UVRAG: variants seen among roughly 807,000 people sequenced by gnomAD.
UVRAG encodes UV radiation resistance-associated gene protein.
Under a neutral mutation model 78.0 loss-of-function variants are expected in UVRAG, and 19 were observed. That is an observed-to-expected ratio of 0.24 (90% CI 0.17 to 0.36). UVRAG has a LOEUF of 0.36. Among genes scored for constraint, UVRAG ranks in the 10% least tolerant of loss-of-function variants. UVRAG has a pLI of 1.00. For missense variants in UVRAG, 740 were observed against 853.8 expected (o/e 0.87, Z 1.66); for synonymous variants, 323 against 324.6 (o/e 1.00, Z 0.05).
At chr11:75,877,602 C>CGG in intron 3 of UVRAG, among the ~76,000 whole-genome samples, 1 of 134,796 alleles carries the variant, frequency 7.4e-6, no homozygotes, top group East Asian at 2.4e-4. Context: ...GCTGGCCGGG[C>CGG]GGGGGGCTGA....
At chr11:75,827,013 T>C (rs189174280) in intron 1 of UVRAG, among the ~76,000 whole-genome samples, 8 of 152,324 alleles carry the variant, frequency 5.3e-5, no homozygotes, top group Admixed American at 1.3e-4. Flanking sequence ...CTGTGGTTTT[T>C]ATAATGTCCA....
intron 2 of UVRAG, among the ~76,000 whole-genome samples, chr11:75,859,327 G>C (rs1403344541): frequency 6.6e-6 from 1 of 150,546 alleles, no homozygotes; most frequent in Non-Finnish European, 1.5e-5. Flanking sequence ...GGTGAGCCGA[G>C]ATCACGCCAC....
chr11:75,881,642 C>T (rs1358256169), intron 4 of UVRAG, among the ~76,000 whole-genome samples: 7 of 152,152 alleles, frequency 4.6e-5, no homozygotes, highest in African/African-American at 1.4e-4. Flanking sequence ...GTTGTGAACC[C>T]CTAGGCTCAA....
At chr11:75,982,554 T>A (rs1949414204) in intron 7 of UVRAG, among the ~76,000 whole-genome samples, 1 of 152,114 alleles carries the variant, frequency 6.6e-6, no homozygotes, top group African/African-American at 2.4e-5. Context: ...AAGTCCAGGA[T>A]CCCCATGTGG....
chr11:75,976,968 C>T (rs1320275041), intron 7 of UVRAG, among the ~76,000 whole-genome samples: 2 of 152,130 alleles, frequency 1.3e-5, no homozygotes, highest in Non-Finnish European at 2.9e-5. Flanking sequence ...GTTAGGGTGT[C>T]AATTTTAGAT....
At chr11:76,040,448 G>A (rs1950624325) in intron 12 of UVRAG, among the ~76,000 whole-genome samples, 1 of 151,086 alleles carries the variant, frequency 6.6e-6, no homozygotes, top group Non-Finnish European at 1.5e-5. Flanking sequence ...ACTCAGCCTG[G>A]GCGACAGTGT....
At position 75,851,981 on chromosome 11, in the gene UVRAG, T is replaced by C; in HGVS notation, c.216T>C (p.Ser72=). Residue 72 remains serine, a synonymous_variant, in exon 2 of 15, where the codon AGT becomes AGC. Coordinates refer to ENST00000356136, the MANE Select transcript of UVRAG (RefSeq NM_003369.4). ...CCTACTTTACACTTCACTTGTGTAGTACTGAAAAGATATATAAAGGTAAGG... is the reference window on the plus strand; with the variant it reads ...CCTACTTTACACTTCACTTGTGTAGCACTGAAAAGATATATAAAGGTAAGG... ...LDTYFTLHLC[S]TEKIYKEFYR... 6 of 1,605,452 alleles carry C rather than the reference T, an allele frequency of 3.7e-6. No individual in the cohort carries two copies. The highest frequency in any genetic ancestry group is 5.1e-6 in the Non-Finnish European group (6 of 1,174,382).
At chr11:76,079,938 GA>G (rs1271086562) in intron 13 of UVRAG, among the ~76,000 whole-genome samples, 1 of 152,116 alleles carries the variant, frequency 6.6e-6, no homozygotes, top group African/African-American at 2.4e-5. Flanking sequence ...AATTAATAAA[GA>G]AAAGAGATTT....
chr11:75,861,645 G>T, intron 2 of UVRAG, 101 bp from the exon 3 acceptor site: 8 of 718,964 alleles, frequency 1.1e-5, no homozygotes, highest in South Asian at 1.9e-5. Flanking sequence ...TATTTTAAAT[G>T]TTTTACTGCA....
Position 76,051,716 on chromosome 11 carries a change from A to G in UVRAG, c.1227-13994A>G, listed in dbSNP as rs368827482. ...GTTCTGGTGTAAATCTTCTCATTAC[A>G]TGATTTCTCCTTTAAAAACTTTGGG... On this transcript the variant is annotated intron_variant, in intron 12 of 14. Transcript: ENST00000356136. Among the ~76,000 whole-genome samples the G allele has an allele frequency of 2.6e-4, 40 of 152,322 alleles. No homozygotes were observed. In the East Asian group the frequency reaches 3.7e-3, roughly 14 times the overall value.
At chr11:75,920,692 G>T (rs932763161) in intron 6 of UVRAG, among the ~76,000 whole-genome samples, 1 of 151,844 alleles carries the variant, frequency 6.6e-6, no homozygotes, top group East Asian at 1.9e-4. Context: ...GTATCCATCT[G>T]TATTTTTTCC....
intron 13 of UVRAG, among the ~76,000 whole-genome samples, chr11:76,105,661 G>C (rs900338038): frequency 2.0e-5 from 3 of 151,852 alleles, no homozygotes; most frequent in Admixed American, 6.6e-5. Flanking sequence ...GAGATGGGAG[G>C]ATCACCTGAG....
At chr11:75,845,009 A>G (rs930548873) in intron 1 of UVRAG, among the ~76,000 whole-genome samples, 1 of 152,216 alleles carries the variant, frequency 6.6e-6, no homozygotes, top group East Asian at 1.9e-4. Flanking sequence ...GTCTTGCGTT[A>G]GAATTTGTAT....
rs141856043 is a variant in UVRAG, at chr11:76,010,790, G to A, written c.1060+1923G>A. Among the ~76,000 whole-genome samples the A allele has an allele frequency of 5.7e-3, 864 of 152,284 alleles. 9 individuals carry two copies. The highest frequency in any genetic ancestry group is 0.019 in the African/African-American group (803 of 41,550). On this transcript the variant is annotated intron_variant, in intron 11 of 14. Coordinates refer to ENST00000356136, the MANE Select transcript of UVRAG (RefSeq NM_003369.4). ...GCAGGAAGGACAGTAAAGACCAGAC[G>A]TGTGCAGCTGGAGCATAGTGAGCGA...
intron 13 of UVRAG, among the ~76,000 whole-genome samples, chr11:76,092,159 A>G (rs1951711440): frequency 6.6e-6 from 1 of 152,180 alleles, no homozygotes; most frequent in South Asian, 2.1e-4. Flanking sequence ...CCTACAAAGG[A>G]CATGAACTCA....
intron 1 of UVRAG, among the ~76,000 whole-genome samples, chr11:75,825,454 A>G (rs549516716): frequency 2.0e-4 from 31 of 152,350 alleles, no homozygotes; most frequent in African/African-American, 6.7e-4. Context: ...TGCCTTGTAC[A>G]GTATTTTAGC....
rs141394388 is a variant in UVRAG, at chr11:75,902,034, G to C, written c.508-9920G>C. Among the ~76,000 whole-genome samples the C allele has an allele frequency of 8.9e-4, 136 of 152,288 alleles. No homozygotes were observed. The East Asian group carries it at 0.019, about 22-fold the overall frequency. On this transcript the variant is annotated intron_variant, in intron 5 of 14. Transcript: ENST00000356136. ...ACCTGCTACACTGTAAACTGTGTGA[G>C]GGCAAGGACAGTGTCTGTTTTCACC...
rs571825124 is a variant in UVRAG, at chr11:76,115,425, A to G, written c.1306-499A>G. On this transcript the variant is annotated intron_variant, in intron 13 of 14. Transcript: ENST00000356136. Reference sequence around the variant, plus strand: ...TAAGCATTGAATAAGTACCAGCACTATGCCAGACACTATTGGAGTCAGAGA... The same window carrying G: ...TAAGCATTGAATAAGTACCAGCACTGTGCCAGACACTATTGGAGTCAGAGA... 4.1e-4 allele frequency among the ~76,000 whole-genome samples: 62 copies of G among 152,360 alleles called. 1 individual carries two copies. The South Asian group carries it at 0.011, about 26-fold the overall frequency.
At chr11:76,096,845 T>C (rs1951793376) in intron 13 of UVRAG, among the ~76,000 whole-genome samples, 1 of 152,128 alleles carries the variant, frequency 6.6e-6, no homozygotes, top group Non-Finnish European at 1.5e-5. Flanking sequence ...TCCTGTTGAA[T>C]GCAGTGAGAC....
Sources: allele counts gnomAD v4.1 joint callset (sites outside exome capture counted in the v4.1 genomes callset), GRCh38; gene constraint gnomAD v4.1.1; transcripts MANE v1.5; gene names NCBI Gene and HGNC (gene_info 2026-07-23, HGNC 2026-07-21).